Variants in CCDC81 observed in about 807,000 individuals in gnomAD.
CCDC81 encodes the protein coiled-coil domain-containing protein 81.
A neutral mutation model predicts 83.7 loss-of-function variants in CCDC81; 79 were observed. The ratio of observed to expected loss-of-function variants is 0.94; its 90% CI spans 0.79 to 1.14. CCDC81 has a LOEUF of 1.14. Among genes scored for constraint, CCDC81 ranks in the 50% most tolerant of loss-of-function variants. The probability of loss-of-function intolerance (pLI) is 0.00; values close to 1 mark genes in which losing one functional copy is unlikely to be tolerated. For synonymous variants in CCDC81, 252 were observed against 278.1 expected (o/e 0.91, Z 0.93); for missense variants, 791 against 778.1 (o/e 1.02, Z -0.20).
Position 86,387,578 on chromosome 11 carries a change from C to T in CCDC81, c.204C>T (p.Asn68=), listed in dbSNP as rs755293648. ...TAAGACAAAAGCTTGAGGTGGGAAA[C>T]AACAAATTTATCTTAATCCAGAGGC... ...TFIRQKLEVG[N]NKFILIQRPV... Residue 68 remains asparagine, a synonymous_variant, in exon 3 of 15, where the codon AAC becomes AAT. Coordinates refer to ENST00000445632, the MANE Select transcript of CCDC81 (RefSeq NM_001156474.2). 1 of 1,613,494 alleles carries T rather than the reference C, an allele frequency of 6.2e-7. No individual in the cohort carries two copies. Among genetic ancestry groups the T allele is most frequent in the Admixed American group, 1.7e-5 (1 of 59,982 alleles).
intron 12 of CCDC81, 109 bp downstream of exon 12, chr11:86,414,976 T>C: frequency 7.0e-7 from 1 of 1,420,008 alleles, no homozygotes; most frequent in East Asian, 2.3e-5. Context: ...ATTTGGTAGT[T>C]TTTGTGCCCC....
rs748407410 is a variant in CCDC81, at chr11:86,418,607, TAAAC to T, written c.1692-1318_1692-1315del. 1.4e-3 allele frequency among the ~76,000 whole-genome samples: 211 copies of T among 152,282 alleles called. 1 individual carries two copies. The highest frequency in any genetic ancestry group is 2.1e-3 in the Non-Finnish European group (146 of 68,018). ...CTCAAGGTCATTATGTTAAGTGAAA[TAAAC>T]AAGTCACAAAAAGACAAAATACTGT... On this transcript the variant is annotated intron_variant, in intron 13 of 14. Coordinates refer to ENST00000445632, the MANE Select transcript of CCDC81 (RefSeq NM_001156474.2).
intron 6 of CCDC81, among the ~76,000 whole-genome samples, chr11:86,400,130 CAAAAA>C (rs560965042): frequency 4.7e-5 from 5 of 106,504 alleles, no homozygotes; most frequent in African/African-American, 9.5e-5. Context: ...GACTCCATCT[CAAAAA>C]AAAAAAAAAA....
chr11:86,397,382 C>G (rs769597499), intron 5 of CCDC81, among the ~76,000 whole-genome samples: 10 of 152,186 alleles, frequency 6.6e-5, no homozygotes, highest in Non-Finnish European at 1.2e-4. Flanking sequence ...GGCAATTTCT[C>G]TATATGCAAG....
chr11:86,377,013 C>T (rs936309720), intron 1 of CCDC81, among the ~76,000 whole-genome samples: 4 of 152,186 alleles, frequency 2.6e-5, no homozygotes, highest in Non-Finnish European at 4.4e-5. Context: ...TTGCCAGTTC[C>T]AGAATGTAAT....
rs142273160 is a variant in CCDC81 at position 86,409,342 on chromosome 11, A to T, written c.1195A>T (p.Lys399Ter). ...AGTTGCTGAAGCTATAAGAAACCAC[A>T]AGAATGAGAAACCGGAATTTTATGT... ...LGVAEAIRNH[K>*]NEKPEFYKSF... Residue 399 changes from lysine to a stop codon, truncating the protein, a stop_gained, in exon 10 of 15, where the codon AAG (lysine) becomes TAG (stop). Transcript: ENST00000445632. LOFTEE classifies it high-confidence loss of function. 3.3e-6 allele frequency: 5 copies of T among 1,527,926 alleles called. No homozygotes were observed. The African/African-American group carries it at 7.1e-5, about 22-fold the overall frequency. The allele number at this position is 1,527,926 out of a possible 1,614,324, so 94.6% of individuals were successfully genotyped here. A position where few individuals can be genotyped will look rare whatever the true frequency, so the allele number is the denominator to read the frequency against.
chr11:86,422,686 T>C lies in CCDC81; in HGVS notation c.1930T>C (p.Phe644Leu), dbSNP rs1477592333. Residue 644 changes from phenylalanine (F) to leucine (L), a missense_variant, in exon 15 of 15, where the codon TTC (phenylalanine) becomes CTC (leucine). Phe to Leu is a conservative substitution (Grantham distance 22). Transcript: ENST00000445632. ...GAGCAACCTGTGGCCCCTGAACAAG[T>C]TCCTGCCTGGCTCCCGGTTGCTTGT... ...GESNLWPLNK[F>L]LPGSRLLV 6.2e-7 allele frequency: 1 copy of C among 1,613,990 alleles called. No homozygotes were observed. The highest frequency in any genetic ancestry group is 8.5e-7 in the Non-Finnish European group (1 of 1,179,886).
chr11:86,420,835 T>C (rs1948779735), intron 14 of CCDC81, among the ~76,000 whole-genome samples: 3 of 152,228 alleles, frequency 2.0e-5, no homozygotes, highest in Non-Finnish European at 4.4e-5. Context: ...GTATGAGTGA[T>C]GACGTGGAAA....
rs1342760136 is a variant in CCDC81 at position 86,422,721 on chromosome 11, A to C, written c.*6A>C. On this transcript the variant is annotated 3_prime_UTR_variant, in exon 15 of 15. Transcript: ENST00000445632. ...GCTCCCGGTTGCTTGTGTAAAACTC[A>C]AAGTTTGGCTCTTCGTTTCCCGGGG... 3.7e-6 allele frequency: 6 copies of C among 1,610,128 alleles called. No individual in the cohort carries two copies.
At chr11:86,418,735 T>A (rs923460040) in intron 13 of CCDC81, among the ~76,000 whole-genome samples, 3 of 151,628 alleles carry the variant, frequency 2.0e-5, no homozygotes, top group African/African-American at 4.9e-5. Context: ...AAATGGGGAG[T>A]TGTTTAATGG....
At position 86,408,235 on chromosome 11, in the gene CCDC81, A is replaced by T. The variant is rs1948590065; in HGVS notation, c.1078A>T (p.Met360Leu). The stretch of plus-strand genomic sequence containing the variant: ...TGAGAGACTCATACAGCAGTATCAG[A>T]TGTTAAAGGATCAGGAGGCTCTCTT... ...EDERLIQQYQ[M>L]LKDQEALFRH... The change falls in exon 9 of 15, where the codon ATG becomes TTG. Residue 360 changes from methionine to leucine, a missense_variant. Met to Leu is a conservative substitution (Grantham distance 15, BLOSUM62 2). Coordinates refer to ENST00000445632, the MANE Select transcript of CCDC81 (RefSeq NM_001156474.2). 1.9e-6 allele frequency: 3 copies of T among 1,613,954 alleles called. No individual in the cohort carries two copies. The highest frequency in any genetic ancestry group is 2.5e-6 in the Non-Finnish European group (3 of 1,179,918).
chr11:86,377,968 C>CTTTTTGTTTTTTTTTT (rs1948120713), intron 1 of CCDC81, among the ~76,000 whole-genome samples: 1 of 73,350 alleles, frequency 1.4e-5, no homozygotes, highest in Non-Finnish European at 2.4e-5. Flanking sequence ...TGCCTAGGTT[C>CTTTTTGTTTTTTTTTT]TTTTTTTTTT....
chr11:86,394,000 T>C (rs1426961160), intron 4 of CCDC81, among the ~76,000 whole-genome samples: 2 of 152,220 alleles, frequency 1.3e-5, no homozygotes, highest in Non-Finnish European at 2.9e-5. Context: ...TTGTGCATAA[T>C]GAAACTCCTG....
Position 86,408,183 on chromosome 11 carries a change from T to G in CCDC81, c.1026T>G (p.Ser342Arg), listed in dbSNP as rs200061603. Residue 342 changes from serine to arginine, a missense_variant, in exon 9 of 15, where the codon AGT (serine) becomes AGG (arginine). Coordinates refer to ENST00000445632, the MANE Select transcript of CCDC81 (RefSeq NM_001156474.2). ...AACGAAATTCCCTGTTGTACTACAG[T>G]GAGGAAAGGAGGAGAGAGATAGAAG... ...RAQRNSLLYY[S>R]EERRREIEDE... 1.2e-4 allele frequency: 201 copies of G among 1,613,768 alleles called. No homozygotes were observed. The East Asian group carries it at 3.4e-3, about 27-fold the overall frequency.
chr11:86,406,128 T>C (rs1296955903), intron 7 of CCDC81, among the ~76,000 whole-genome samples: 1 of 152,244 alleles, frequency 6.6e-6, no homozygotes, highest in Non-Finnish European at 1.5e-5. Context: ...TATCCTGTAA[T>C]GGTTCCCTGT....
chr11:86,398,348 G>A (rs1948438249), intron 6 of CCDC81, among the ~76,000 whole-genome samples: 1 of 152,134 alleles, frequency 6.6e-6, no homozygotes, highest in Non-Finnish European at 1.5e-5. Context: ...TGGTCTGGAT[G>A]TAAGTGGGTT....
chr11:86,385,957 A>G (rs991340298), intron 1 of CCDC81, 94 bp from the exon 2 acceptor site: 8 of 549,310 alleles, frequency 1.5e-5, no homozygotes, highest in Admixed American at 5.1e-5. Context: ...TTGCTTCCAC[A>G]TTTCATATTT....
At chr11:86,412,866 T>C (rs1430593162) in intron 11 of CCDC81, among the ~76,000 whole-genome samples, 1 of 152,186 alleles carries the variant, frequency 6.6e-6, no homozygotes, top group East Asian at 1.9e-4. Flanking sequence ...TTACAGCTCC[T>C]GAAGCCCCAG....
At chr11:86,398,006 T>C (rs1948433627) in intron 6 of CCDC81, among the ~76,000 whole-genome samples, 1 of 152,068 alleles carries the variant, frequency 6.6e-6, no homozygotes, top group Admixed American at 6.6e-5. Context: ...TGTGCCACCA[T>C]GCCTGGTTAA....
Sources: gnomAD v4.1 joint callset for allele counts (sites outside exome capture counted in the v4.1 genomes callset) on GRCh38, gnomAD v4.1.1 for gene constraint, MANE v1.5 for transcripts, NCBI Gene and HGNC (gene_info 2026-07-23, HGNC 2026-07-21) for gene names.